Variants in CPLANE1 observed in about 807,000 individuals in gnomAD.
CPLANE1 encodes ciliogenesis and planar polarity effector 1.
A neutral mutation model predicts 362.5 loss-of-function variants in CPLANE1; 263 were observed. That is an observed-to-expected ratio of 0.73 (90% CI 0.66 to 0.80). The LOEUF (loss-of-function observed/expected upper bound fraction) is 0.80. Among genes scored for constraint, CPLANE1 ranks in the 30% least tolerant of loss-of-function variants. The pLI is 0.00. For missense variants in CPLANE1, 3,461 were observed against 3,793.4 expected (o/e 0.91, Z 2.30); for synonymous variants, 1,212 against 1,302.6 (o/e 0.93, Z 1.50).
the CPLANE1 span, among the ~76,000 whole-genome samples, chr5:37,083,687 C>T: frequency 2.0e-5 from 3 of 151,964 alleles, no homozygotes; most frequent in Admixed American, 1.3e-4. Context: ...ATTCAGAGCT[C>T]GAAGGCAATG....
In CPLANE1 at chr5:37,224,648, G is replaced by A. The variant is rs1796052039; in HGVS notation, c.2384C>T (p.Thr795Ile). 1 of 1,551,382 alleles carries A rather than the reference G, an allele frequency of 6.4e-7. No homozygotes were observed. Among genetic ancestry groups the A allele is most frequent in the Non-Finnish European group, 8.7e-7 (1 of 1,146,754 alleles). The part of the protein sequence containing the change: ...RRVPEADSQL[T>I]EKMTHEASTV... The stretch of plus-strand genomic sequence containing the variant: ...AGATGCTTCATGTGTCATCTTTTCA[G>A]TTAACTGACTATCAGCTTCAGGAAC... Residue 795 changes from threonine to isoleucine, a missense_variant, in exon 13 of 53, where the codon ACT becomes ATT. By Grantham distance (89) the Thr-to-Ile change is moderately conservative. Transcript: ENST00000651892.
chr5:37,237,381 G>C (rs765986382), intron 8 of CPLANE1, among the ~76,000 whole-genome samples: 2 of 152,184 alleles, frequency 1.3e-5, no homozygotes, highest in Non-Finnish European at 2.9e-5. Flanking sequence ...TAACTTATAA[G>C]TAGGGACTAA....
intron 51 of CPLANE1, among the ~76,000 whole-genome samples, chr5:37,111,820 A>G (rs553756144): frequency 3.9e-5 from 6 of 152,314 alleles, no homozygotes; most frequent in Admixed American, 3.9e-4. Context: ...TAAGGAACAA[A>G]TTTTGAAAAA....
rs1264157136 is a variant in CPLANE1 at position 37,169,197 on chromosome 5, G to A, written c.6827C>T (p.Ala2276Val). 5 of 1,614,034 alleles carry A rather than the reference G, an allele frequency of 3.1e-6. No individual in the cohort carries two copies. The South Asian group carries it at 3.3e-5, about 11-fold the overall frequency. ...CAAATGGGATGCTGGAGTAGTTTGT[G>A]CTGCTCTCTGTGGCAGAGCAGGTTG... ...SFQPALPQRA[A>V]QTTPASHLNV... is the part of the protein sequence containing the mutation. The change falls in exon 34 of 53, where the codon GCA (alanine) becomes GTA (valine). Residue 2276 changes from alanine to valine, a missense_variant. Physicochemically the swap from Ala to Val is moderately conservative, Grantham distance 64 (BLOSUM62 0). Coordinates refer to ENST00000651892, the MANE Select transcript of CPLANE1 (RefSeq NM_001384732.1).
intron 46 of CPLANE1, among the ~76,000 whole-genome samples, chr5:37,132,435 C>A (rs1220729938): frequency 6.6e-6 from 1 of 151,098 alleles, no homozygotes; most frequent in Non-Finnish European, 1.5e-5. Context: ...AGCTCCACCT[C>A]CCAAGTTCAC....
In CPLANE1 at chr5:37,187,792, T is replaced by C; in HGVS notation, c.3862A>G (p.Lys1288Glu). ...TATTGCCTGCAACTATAGGATAACT[T>C]ATCACGGACATGCAGCATCCAACAC... The part of the protein sequence containing the change: ...ALCWMLHVRD[K>E]LSYSCRQYQK... Residue 1288 changes from lysine (K) to glutamate (E), a missense_variant, in exon 22 of 53, where the codon AAG (lysine) becomes GAG (glutamate). Transcript: ENST00000651892. 1 of 1,613,984 alleles carries C rather than the reference T, an allele frequency of 6.2e-7. No homozygotes were observed. The highest frequency in any genetic ancestry group is 8.5e-7 in the Non-Finnish European group (1 of 1,179,920).
intron 48 of CPLANE1, among the ~76,000 whole-genome samples, chr5:37,122,042 G>A (rs1207410784): frequency 5.3e-5 from 8 of 151,928 alleles, no homozygotes; most frequent in Non-Finnish European, 8.8e-5. Flanking sequence ...CACCATGCCC[G>A]GCTAATTTCA....
At position 37,231,020 on chromosome 5, in the gene CPLANE1, G is replaced by C. The variant is rs373704405; in HGVS notation, c.968C>G (p.Thr323Arg). The C allele has an allele frequency of 4.5e-6, 7 of 1,545,552 alleles. No individual in the cohort carries two copies. Among genetic ancestry groups the C allele is most frequent in the Non-Finnish European group, 6.1e-6 (7 of 1,144,174 alleles). The change falls in exon 9 of 53, where the codon ACG becomes AGG. Residue 323 changes from threonine to arginine, a missense_variant. Physicochemically the swap from Thr to Arg is moderately conservative, Grantham distance 71. Around this residue, in one of 2 missense-constraint regions of CPLANE1, gnomAD observed 3,380 missense variants for 3,666.1 expected, o/e 0.92. Transcript: ENST00000651892. ...RSYWVGDISW[T>R]HDSLFLACML... is the part of the protein sequence containing the mutation. ...ACAAGCCAGAAAAAGACTATCATGC[G>C]TCCAGCTGATATCACCTACCCAGTA...
chr5:37,168,855 A>C lies in CPLANE1; in HGVS notation c.7169T>G (p.Ile2390Arg). 1.9e-6 allele frequency: 3 copies of C among 1,613,912 alleles called. No individual in the cohort carries two copies. Among genetic ancestry groups the C allele is most frequent in the Non-Finnish European group, 1.7e-6 (2 of 1,179,820 alleles). The change falls in exon 34 of 53, where the codon ATA becomes AGA. Residue 2390 changes from isoleucine (I) to arginine (R), a missense_variant. Coordinates refer to ENST00000651892, the MANE Select transcript of CPLANE1 (RefSeq NM_001384732.1). The stretch of plus-strand genomic sequence containing the variant: ...TCTTGGGTATTTTCTTTCTTCTGCT[A>C]TAGGTTGGATAGGTGTTGAGGGAAC... ...ITVPSTPIQP[I>R]AEERKYPRLS...
At chr5:37,207,295 T>A (rs563060643) in intron 16 of CPLANE1, among the ~76,000 whole-genome samples, 1 of 152,370 alleles carries the variant, frequency 6.6e-6, no homozygotes, top group South Asian at 2.1e-4. Context: ...ATACAGGCTA[T>A]GCCTACTGCA....
Position 37,182,847 on chromosome 5 carries a change from C to T in CPLANE1, c.5334G>A (p.Lys1778=), listed in dbSNP as rs530753258. The change falls in exon 26 of 53, where the codon AAG becomes AAA. Residue 1778 remains lysine (K), a synonymous_variant. Coordinates refer to ENST00000651892, the MANE Select transcript of CPLANE1 (RefSeq NM_001384732.1). ...SSEYSPVIRV[K]TSTAAILTSL... Reference sequence around the variant, plus strand: ...ATGTAAGAATGGCAGCTGTAGAGGTCTTTACACGAATTACTGGACTGTACT... The same window carrying T: ...ATGTAAGAATGGCAGCTGTAGAGGTTTTTACACGAATTACTGGACTGTACT... 2 of 1,613,224 alleles carry T rather than the reference C, an allele frequency of 1.2e-6. No individual in the cohort carries two copies. Among genetic ancestry groups the T allele is most frequent in the East Asian group, 4.5e-5 (2 of 44,830 alleles).
rs572067288 is a variant in CPLANE1 at position 37,111,909 on chromosome 5, G to A, written c.9400+3051C>T. Among the ~76,000 whole-genome samples the A allele has an allele frequency of 9.2e-5, 14 of 151,888 alleles. 1 individual carries two copies. Among genetic ancestry groups the A allele is most frequent in the Admixed American group, 2.6e-4 (4 of 15,280 alleles). Reference sequence around the variant, plus strand: ...ACACTGTGTTAAAAAAAAAACAGCCGTTAAAACAGAAAAAGTGAGACTGAA... The same window carrying A: ...ACACTGTGTTAAAAAAAAAACAGCCATTAAAACAGAAAAAGTGAGACTGAA... On this transcript the variant is annotated intron_variant, in intron 51 of 52. Transcript: ENST00000651892.
At position 37,211,750 on chromosome 5, in the gene CPLANE1, C is replaced by T. The variant is rs562098805; in HGVS notation, c.2920+1809G>A. 89 of 782,982 alleles carry T rather than the reference C, an allele frequency of 1.1e-4. 1 individual carries two copies. Among genetic ancestry groups the T allele is most frequent in the South Asian group, 1.0e-3 (75 of 74,380 alleles). 48.5% of individuals were successfully genotyped at this position (782,982 alleles called of 1,614,324 possible). On this transcript the variant is annotated intron_variant, in intron 16 of 52. Coordinates refer to ENST00000651892, the MANE Select transcript of CPLANE1 (RefSeq NM_001384732.1). Reference sequence around the variant, plus strand: ...TTCTCCAGCCCTCCGGAGCAGAAAGCGGGTCTTTACTGGAGACAAAATGAA... The same window carrying T: ...TTCTCCAGCCCTCCGGAGCAGAAAGTGGGTCTTTACTGGAGACAAAATGAA...
At chr5:37,230,807 A>G in intron 9 of CPLANE1, 60 bp downstream of exon 9, 1 of 1,227,856 alleles carries the variant, frequency 8.1e-7, no homozygotes, top group Non-Finnish European at 1.1e-6. Flanking sequence ...ATACACAGTA[A>G]AAGTAATACA....
chr5:37,226,901 G>A lies in CPLANE1; in HGVS notation c.1694C>T (p.Thr565Ile). ...CTGGATAGAATGCAGTTCTGTAATG[G>A]TTCTATCTGTCTCCTCACTATCATC... ...AKDDSEETDR[T>I]ITELHSIQKS... Residue 565 changes from threonine to isoleucine, a missense_variant, in exon 12 of 53, where the codon ACC (threonine) becomes ATC (isoleucine). This residue lies in a region of CPLANE1 where 3,380 missense variants were observed against 3,666.1 expected (regional missense o/e 0.92). Transcript: ENST00000651892. 6.4e-6 allele frequency: 10 copies of A among 1,551,696 alleles called. No homozygotes were observed. Among genetic ancestry groups the A allele is most frequent in the Non-Finnish European group, 8.7e-6 (10 of 1,146,950 alleles).
Position 37,167,063 on chromosome 5 carries a change from T to C in CPLANE1, c.7384A>G (p.Lys2462Glu), listed in dbSNP as rs772638108. The change falls in exon 35 of 53, where the codon AAG (lysine) becomes GAG (glutamate). Residue 2462 changes from lysine (K) to glutamate (E), a missense_variant. Lys to Glu is a moderately conservative substitution (Grantham distance 56, BLOSUM62 1). Coordinates refer to ENST00000651892, the MANE Select transcript of CPLANE1 (RefSeq NM_001384732.1). ...AAGCCTTGCCTTTTTTTACTGTCCT[T>C]TCCTTGTCTTACTTCAGGTGGTTCT... ...KIEPPEVRQG[K>E]DSKKRQRRRA... 1.9e-6 allele frequency: 3 copies of C among 1,611,320 alleles called. No homozygotes were observed. Among genetic ancestry groups the C allele is most frequent in the Non-Finnish European group, 2.5e-6 (3 of 1,179,262 alleles).
intron 38 of CPLANE1, among the ~76,000 whole-genome samples, chr5:37,160,040 T>C (rs1776423384): frequency 6.6e-6 from 1 of 152,288 alleles, no homozygotes; most frequent in Non-Finnish European, 1.5e-5. Context: ...TTAGATATTA[T>C]GCATAAAAGG....
chr5:37,125,589 C>T, intron 46 of CPLANE1, 180 bp from the exon 47 acceptor site: 1 of 588,712 alleles, frequency 1.7e-6, no homozygotes, highest in Non-Finnish European at 2.9e-6. Flanking sequence ...AAAATGGACT[C>T]AGAAAGCTAA....
intron 46 of CPLANE1, among the ~76,000 whole-genome samples, chr5:37,132,645 C>A (rs867297393): frequency 6.6e-6 from 1 of 152,144 alleles, no homozygotes; most frequent in Non-Finnish European, 1.5e-5. Flanking sequence ...CCGCCCCCAG[C>A]CCAATTGTTC....
Sources: allele counts gnomAD v4.1 joint callset (sites outside exome capture counted in the v4.1 genomes callset), GRCh38; gene constraint gnomAD v4.1.1; regional missense constraint gnomAD v4.1.1; transcripts MANE v1.5; gene names NCBI Gene and HGNC (gene_info 2026-07-23, HGNC 2026-07-21).